Variants in STK4 observed in about 807,000 individuals in gnomAD.
STK4 encodes serine/threonine kinase 4.
Under a neutral mutation model 64.9 loss-of-function variants are expected in STK4, and 30 were observed. The observed-to-expected ratio is 0.46, with a 90% confidence interval of 0.35 to 0.63. STK4 has a LOEUF of 0.63. Ranked by LOEUF, STK4 falls within the 20% of genes least tolerant of loss-of-function variation. STK4 has a pLI of 0.01. For synonymous variants in STK4, 177 were observed against 199.0 expected, an observed-to-expected ratio of 0.89 and a Z score of 0.93; for missense variants, 466 against 598.5, an observed-to-expected ratio of 0.78 and a Z score of 2.31.
In STK4 at chr20:45,075,435, C is replaced by CAG. The variant is rs561936101; in HGVS notation, c.*263_*264dup. 8.2e-4 allele frequency: 277 copies of CAG among 339,188 alleles called. 1 individual carries two copies. The highest frequency in any genetic ancestry group is 2.6e-3 in the South Asian group (41 of 15,760). The allele number at this position is 339,188 out of a possible 1,614,324, so 21.0% of individuals were successfully genotyped here. A position where few individuals can be genotyped will look rare whatever the true frequency, so the allele number is the denominator to read the frequency against. ...AACTCAGAGTTTTAAACCCCAGGAACAGAGACTCCTAGTTGAGTGATAGCT... is the reference window on the plus strand; with the variant it reads ...AACTCAGAGTTTTAAACCCCAGGAACAGAGAGACTCCTAGTTGAGTGATAGCT... On this transcript the variant is annotated 3_prime_UTR_variant, in exon 11 of 11. Transcript: ENST00000372806.
At chr20:44,967,299 C>A in intron 1 of STK4, 1 of 920,834 alleles carries the variant, frequency 1.1e-6, no homozygotes, top group Non-Finnish European at 1.3e-6. Context: ...AGGATATTTT[C>A]GAGATGGGGA....
chr20:44,999,682 G>A (rs989336891), intron 7 of STK4, among the ~76,000 whole-genome samples: 1 of 152,172 alleles, frequency 6.6e-6, no homozygotes, highest in Non-Finnish European at 1.5e-5. Context: ...TTTGGTGATT[G>A]AATAATATTT....
intron 10 of STK4, among the ~76,000 whole-genome samples, chr20:45,040,764 G>T (rs1286819438): frequency 6.6e-6 from 1 of 151,830 alleles, no homozygotes; most frequent in Admixed American, 6.6e-5. Context: ...ATGAATCCAG[G>T]AAATGTGTTT....
chr20:44,991,731 C>A (rs62208314), intron 5 of STK4, among the ~76,000 whole-genome samples: 1 of 151,976 alleles, frequency 6.6e-6, no homozygotes, highest in East Asian at 1.9e-4. Flanking sequence ...GGCACAATCA[C>A]GGCTCACTGC....
At chr20:45,034,920 AAAC>A (rs892816328) in intron 10 of STK4, among the ~76,000 whole-genome samples, 38 of 152,066 alleles carry the variant, frequency 2.5e-4, no homozygotes, top group African/African-American at 7.0e-4. Context: ...CCATGTCTTA[AAAC>A]AACAACAACA....
Position 45,057,695 on chromosome 20 carries a change from C to T in STK4, c.1306-17323C>T, listed in dbSNP as rs146244888. On this transcript the variant is annotated intron_variant, in intron 10 of 10. Transcript: ENST00000372806. ...CATTTAGGAAGCACATTTTAAAGAA[C>T]GGTTTTATACCAGAGAAGCTAAGTG... Among the ~76,000 whole-genome samples the T allele has an allele frequency of 4.5e-4, 68 of 152,222 alleles. 1 individual carries two copies. Among genetic ancestry groups the T allele is most frequent in the African/African-American group, 9.6e-4 (40 of 41,544 alleles).
In STK4 at chr20:44,967,502, T is replaced by A. The variant is rs138650600; in HGVS notation, c.35+899T>A. Among the ~76,000 whole-genome samples the A allele has an allele frequency of 2.6e-5, 4 of 152,310 alleles. No individual in the cohort carries two copies. In the East Asian group the frequency reaches 7.7e-4, roughly 29 times the overall value. On this transcript the variant is annotated intron_variant, in intron 1 of 10. Coordinates refer to ENST00000372806, the MANE Select transcript of STK4 (RefSeq NM_006282.5). ...GAAAATCTCAACTCCTGGATTTCCC[T>A]TGTGGACATCCCGGGTCTTTTGCCA...
rs1371741143 is a variant in STK4 at position 45,043,878 on chromosome 20, A to G, written c.1305+18748A>G. ...TTCCACTTTCCCCTCCTTTCTTGAA[A>G]CATTGTCCATGGAGTAAATTTCACT... is the stretch of plus-strand genomic sequence containing the variant. On this transcript the variant is annotated intron_variant, in intron 10 of 10. Coordinates refer to ENST00000372806, the MANE Select transcript of STK4 (RefSeq NM_006282.5). 2.0e-5 allele frequency among the ~76,000 whole-genome samples: 3 copies of G among 152,100 alleles called. No homozygotes were observed. In the East Asian group the frequency reaches 5.8e-4, roughly 29 times the overall value.
chr20:45,068,692 T>C (rs960936417), intron 10 of STK4, among the ~76,000 whole-genome samples: 1 of 152,224 alleles, frequency 6.6e-6, no homozygotes, highest in Non-Finnish European at 1.5e-5. Flanking sequence ...TTCTAATTCC[T>C]TGTTGTATCA....
intron 9 of STK4, among the ~76,000 whole-genome samples, chr20:45,024,244 A>G (rs543017238): frequency 6.6e-6 from 1 of 151,872 alleles, no homozygotes; most frequent in Admixed American, 6.6e-5. Context: ...AGTAAATAAA[A>G]TCACCAATAG....
intron 10 of STK4, among the ~76,000 whole-genome samples, chr20:45,062,725 G>T (rs995556458): frequency 9.9e-5 from 15 of 151,646 alleles, no homozygotes; most frequent in Non-Finnish European, 2.2e-4. Flanking sequence ...CAGCTTTGTC[G>T]CCCAGGCTGG....
In STK4 at chr20:45,052,389, T is replaced by C. The variant is rs768228731; in HGVS notation, c.1306-22629T>C. 2.7e-4 allele frequency among the ~76,000 whole-genome samples: 41 copies of C among 152,336 alleles called. 1 individual carries two copies. Among genetic ancestry groups the C allele is most frequent in the South Asian group, 2.1e-3 (10 of 4,824 alleles). On this transcript the variant is annotated intron_variant, in intron 10 of 10. Coordinates refer to ENST00000372806, the MANE Select transcript of STK4 (RefSeq NM_006282.5). ...TGCATGCATAATAAATCTTGATTTT[T>C]TTTCACTTAACATATCTTAAACATT...
rs534984848 is a variant in STK4 at position 45,076,934 on chromosome 20, G to A, written c.*1758G>A. 5.9e-5 allele frequency: 9 copies of A among 152,194 alleles called. No homozygotes were observed. The highest frequency in any genetic ancestry group is 9.7e-5 in the African/African-American group (4 of 41,440). The allele number at this position is 152,194 out of a possible 1,614,324, so 9.4% of individuals were successfully genotyped here. On this transcript the variant is annotated 3_prime_UTR_variant, in exon 11 of 11. Coordinates refer to ENST00000372806, the MANE Select transcript of STK4 (RefSeq NM_006282.5). This position sits in a 1 kb window ranked among gnomAD's most constrained non-coding sequence, Gnocchi z 4.0. ...ACTGAAATAGCTATGTGGCGGATAC[G>A]GAAAACAGAGGACAATTTGAGGATC...
intron 4 of STK4, among the ~76,000 whole-genome samples, chr20:44,984,092 C>T (rs2067486563): frequency 7.8e-6 from 1 of 128,454 alleles, no homozygotes; most frequent in South Asian, 2.5e-4. Context: ...TTTGATGGCA[C>T]TTTTGGTTTT....
chr20:45,063,859 G>A (rs977902352), intron 10 of STK4, among the ~76,000 whole-genome samples: 2 of 151,378 alleles, frequency 1.3e-5, no homozygotes, highest in African/African-American at 4.9e-5. Context: ...CCAGGCTGGA[G>A]TGCAGTGGTG....
chr20:45,030,496 T>C (rs1424327209), intron 10 of STK4, among the ~76,000 whole-genome samples: 1 of 152,220 alleles, frequency 6.6e-6, no homozygotes, highest in Non-Finnish European at 1.5e-5. Flanking sequence ...TGAAGAGAAT[T>C]GCTGCTTTCC....
At chr20:44,999,664 C>A (rs957891886) in intron 7 of STK4, among the ~76,000 whole-genome samples, 8 of 152,138 alleles carry the variant, frequency 5.3e-5, no homozygotes, top group African/African-American at 1.9e-4. Context: ...CCCTTTGTTT[C>A]AAGTATCTTT....
intron 4 of STK4, among the ~76,000 whole-genome samples, chr20:44,985,858 C>T (rs1285285805): frequency 6.6e-6 from 1 of 152,184 alleles, no homozygotes; most frequent in Non-Finnish European, 1.5e-5. Flanking sequence ...CTACGTCTTC[C>T]TAGTCCCAAA....
intron 10 of STK4, among the ~76,000 whole-genome samples, chr20:45,066,745 CTTATT>C (rs1979611184): frequency 6.6e-6 from 1 of 152,172 alleles, no homozygotes; most frequent in African/African-American, 2.4e-5. Context: ...GCTTTCCCTC[CTTATT>C]GGAGAAGAAT....
Sources: allele counts gnomAD v4.1 joint callset (sites outside exome capture counted in the v4.1 genomes callset), GRCh38; gene constraint gnomAD v4.1.1; non-coding constraint Gnocchi (gnomAD v3.1); transcripts MANE v1.5; gene names NCBI Gene and HGNC (gene_info 2026-07-23, HGNC 2026-07-21).